DLGAP2: variants seen among roughly 807,000 people sequenced by gnomAD.
DLGAP2 encodes the protein disks large-associated protein 2.
A neutral mutation model predicts 100.3 loss-of-function variants in DLGAP2; 26 were observed. The ratio of observed to expected loss-of-function variants is 0.26; its 90% CI spans 0.19 to 0.36. DLGAP2 has a LOEUF of 0.36. Among genes scored for constraint, DLGAP2 ranks in the 10% least tolerant of loss-of-function variants. The pLI, the probability that DLGAP2 is intolerant of heterozygous loss-of-function variation, is 1.00. For synonymous variants in DLGAP2, 886 were observed against 630.1 expected, an observed-to-expected ratio of 1.41 and a Z score of -6.08; for missense variants, 1,858 against 1,453.2, an observed-to-expected ratio of 1.28 and a Z score of -4.53.
At chr8:1,669,616 C>T in intron 9 of DLGAP2, 127 bp from the exon 10 acceptor site, 2 of 717,422 alleles carry the variant, frequency 2.8e-6, no homozygotes, top group South Asian at 1.5e-5. Context: ...GTGAGTGGAG[C>T]GTGCTGAGAG....
At chr8:1,171,062 C>G (rs889018210) in intron 2 of DLGAP2, among the ~76,000 whole-genome samples, 2 of 151,058 alleles carry the variant, frequency 1.3e-5, no homozygotes, top group Admixed American at 1.3e-4. Flanking sequence ...TGAATGTGTC[C>G]GAGATTCTGG....
intron 1 of DLGAP2, among the ~76,000 whole-genome samples, chr8:899,656 A>G (rs1046746933): frequency 9.8e-5 from 15 of 152,364 alleles, no homozygotes; most frequent in African/African-American, 3.6e-4. Flanking sequence ...TTAAAATGCT[A>G]TACATCTCAT....
chr8:1,614,992 C>G (rs987278632), intron 6 of DLGAP2, among the ~76,000 whole-genome samples: 7 of 152,240 alleles, frequency 4.6e-5, no homozygotes, highest in African/African-American at 1.7e-4. Flanking sequence ...CCTCTGAGCA[C>G]CCTCGCTACC....
At chr8:1,657,256 G>A (rs1271783489) in intron 8 of DLGAP2, among the ~76,000 whole-genome samples, 1 of 152,222 alleles carries the variant, frequency 6.6e-6, no homozygotes, top group Non-Finnish European at 1.5e-5. Flanking sequence ...TCTTTTTAAG[G>A]ACGTAGACTA....
At chr8:1,057,501 C>T (rs554280833) in intron 2 of DLGAP2, among the ~76,000 whole-genome samples, 3 of 152,276 alleles carry the variant, frequency 2.0e-5, no homozygotes, top group South Asian at 4.2e-4. Context: ...ATGGCATTGC[C>T]TAAGAATTCA....
intron 3 of DLGAP2, among the ~76,000 whole-genome samples, chr8:1,326,324 A>G (rs112851738): frequency 1.3e-5 from 2 of 152,382 alleles, no homozygotes; most frequent in African/African-American, 4.8e-5. Flanking sequence ...TTCCTGGAAC[A>G]GTGGAAATAT....
chr8:1,041,048 T>C (rs1213745449), intron 2 of DLGAP2, among the ~76,000 whole-genome samples: 1 of 152,198 alleles, frequency 6.6e-6, no homozygotes, highest in Non-Finnish European at 1.5e-5. Flanking sequence ...GGCATCTTGA[T>C]TTTAATTGAG....
At chr8:1,606,540 C>T (rs1796806218) in intron 6 of DLGAP2, among the ~76,000 whole-genome samples, 1 of 152,138 alleles carries the variant, frequency 6.6e-6, no homozygotes, top group African/African-American at 2.4e-5. Context: ...CACATTGCAG[C>T]ATGTGTCAGA....
intron 1 of DLGAP2, among the ~76,000 whole-genome samples, chr8:831,713 T>A (rs750597276): frequency 6.6e-6 from 1 of 152,230 alleles, no homozygotes; most frequent in Non-Finnish European, 1.5e-5. Context: ...TGATTTATAA[T>A]CCTTTGGGTA....
At chr8:1,452,776 A>T (rs1048512322) in intron 3 of DLGAP2, among the ~76,000 whole-genome samples, 38 of 152,062 alleles carry the variant, frequency 2.5e-4, no homozygotes, top group African/African-American at 9.2e-4. Flanking sequence ...CCAGACCAGC[A>T]TCTCTGGGGA....
At chr8:1,030,090 A>G (rs980025605) in intron 2 of DLGAP2, among the ~76,000 whole-genome samples, 2 of 152,200 alleles carry the variant, frequency 1.3e-5, no homozygotes, top group African/African-American at 4.8e-5. Flanking sequence ...TTAACTTTGT[A>G]AATCTTAAAA....
At chr8:1,662,250 A>G (rs1798424844) in intron 8 of DLGAP2, among the ~76,000 whole-genome samples, 1 of 152,282 alleles carries the variant, frequency 6.6e-6, no homozygotes, top group Non-Finnish European at 1.5e-5. Flanking sequence ...CCCATTTCAT[A>G]TAATCTCCTC....
At chr8:1,304,213 C>G (rs1269446331) in intron 3 of DLGAP2, among the ~76,000 whole-genome samples, 1 of 152,204 alleles carries the variant, frequency 6.6e-6, no homozygotes, top group African/African-American at 2.4e-5. Flanking sequence ...GCTTTTGTGT[C>G]CACGCTGGAC....
chr8:1,496,595 C>T (rs1418041560), intron 3 of DLGAP2, among the ~76,000 whole-genome samples: 1 of 152,190 alleles, frequency 6.6e-6, no homozygotes, highest in Non-Finnish European at 1.5e-5. Context: ...GCACCCAGCA[C>T]AGTGATCACG....
intron 3 of DLGAP2, among the ~76,000 whole-genome samples, chr8:1,364,242 G>C (rs537099803): frequency 6.6e-6 from 1 of 152,200 alleles, no homozygotes; most frequent in Non-Finnish European, 1.5e-5. Context: ...TGTGGGTTTT[G>C]CCTCAGGTGG....
intron 3 of DLGAP2, among the ~76,000 whole-genome samples, chr8:1,305,492 G>A (rs1426231529): frequency 6.6e-6 from 1 of 152,148 alleles, no homozygotes; most frequent in African/African-American, 2.4e-5. Flanking sequence ...TCATACATTT[G>A]TGTGTCTTTC....
chr8:1,667,178 G>A (rs1472135052), intron 8 of DLGAP2, among the ~76,000 whole-genome samples: 4 of 152,244 alleles, frequency 2.6e-5, no homozygotes, highest in Admixed American at 2.0e-4. Flanking sequence ...ATAATTGACT[G>A]TAACGGACAA....
Position 751,442 on chromosome 8 carries a change from C to T in DLGAP2, c.18+13617C>T, listed in dbSNP as rs115964521. ...GTCGCGCCATCTGTCCTCACTCGGC[C>T]GTCTCGTGACTCTGTGACCAGGCCT... On this transcript the variant is annotated intron_variant, in intron 1 of 14. Coordinates refer to ENST00000637795, the MANE Select transcript of DLGAP2 (RefSeq NM_001346810.2). Among the ~76,000 whole-genome samples, 680 of 152,364 alleles carry T rather than the reference C, an allele frequency of 4.5e-3. 5 individuals carry two copies. Among genetic ancestry groups the T allele is most frequent in the African/African-American group, 0.016 (647 of 41,584 alleles).
chr8:1,120,855 C>T (rs1585079328), intron 2 of DLGAP2, among the ~76,000 whole-genome samples: 1 of 151,908 alleles, frequency 6.6e-6, no homozygotes, highest in African/African-American at 2.4e-5. Flanking sequence ...CATCCTTGTC[C>T]CTTCAGAACC....
Sources: allele counts gnomAD v4.1 joint callset (sites outside exome capture counted in the v4.1 genomes callset), GRCh38; gene constraint gnomAD v4.1.1; transcripts MANE v1.5; gene names NCBI Gene and HGNC (gene_info 2026-07-23, HGNC 2026-07-21).